CDYL2: variants seen among roughly 807,000 people sequenced by gnomAD.
CDYL2 encodes the protein chromodomain Y like 2, also known as chromodomain Y-like protein 2.
In CDYL2, 23 loss-of-function variants were observed where a neutral mutation model predicts 49.4. The ratio of observed to expected loss-of-function variants is 0.47; its 90% CI spans 0.34 to 0.66. CDYL2 has a LOEUF of 0.66. Among genes scored for constraint, CDYL2 ranks in the 30% least tolerant of loss-of-function variants. CDYL2 has a pLI of 0.01. For missense variants in CDYL2, 678 were observed against 656.4 expected, an observed-to-expected ratio of 1.03 and a Z score of -0.36; for synonymous variants, 360 against 268.8, an observed-to-expected ratio of 1.34 and a Z score of -3.32.
intron 1 of CDYL2, among the ~76,000 whole-genome samples, chr16:80,756,519 G>T (rs749992624): frequency 1.3e-5 from 2 of 152,006 alleles, no homozygotes; most frequent in Non-Finnish European, 2.9e-5. Flanking sequence ...GAACACAACT[G>T]ACAATAAAAA....
chr16:80,716,702 A>AATGGATAGATATAGTG, intron 1 of CDYL2, among the ~76,000 whole-genome samples: 1 of 151,634 alleles, frequency 6.6e-6, no homozygotes, highest in South Asian at 2.1e-4. Context: ...TAATTGAATG[A>AATGGATAGATATAGTG]ATGGATAGAT....
chr16:80,687,708 A>G (rs1448030067), intron 1 of CDYL2, among the ~76,000 whole-genome samples: 2 of 152,212 alleles, frequency 1.3e-5, no homozygotes, highest in Non-Finnish European at 2.9e-5. Flanking sequence ...CTTTGTAACA[A>G]AACGATCTGT....
chr16:80,713,082 A>G lies in CDYL2; in HGVS notation c.25-27953T>C, dbSNP rs565638126. 2.6e-5 allele frequency among the ~76,000 whole-genome samples: 4 copies of G among 152,248 alleles called. No homozygotes were observed. The South Asian group carries it at 8.3e-4, about 32-fold the overall frequency. ...GTCCTCAGCAGCCCTGCTTACTTAT[A>G]CAAGAATATCCCTTCAGAGACTGCG... On this transcript the variant is annotated intron_variant, in intron 1 of 6. Transcript: ENST00000570137.
chr16:80,759,873 T>C (rs1906467405), intron 1 of CDYL2, among the ~76,000 whole-genome samples: 1 of 145,046 alleles, frequency 6.9e-6, no homozygotes, highest in Non-Finnish European at 1.5e-5. Context: ...GGAAAGAGCT[T>C]GAACTGTATT....
chr16:80,613,521 T>C (rs959501918), intron 4 of CDYL2, among the ~76,000 whole-genome samples: 8 of 152,308 alleles, frequency 5.3e-5, no homozygotes, highest in African/African-American at 1.9e-4. Flanking sequence ...ATGCTGAATA[T>C]GTTAGGATGG....
chr16:80,662,001 A>T (rs768581099), intron 2 of CDYL2, among the ~76,000 whole-genome samples: 16 of 152,138 alleles, frequency 1.1e-4, no homozygotes, highest in Non-Finnish European at 1.8e-4. Flanking sequence ...CCCCACGCCA[A>T]ATTCTTAATA....
chr16:80,620,977 C>A (rs1907060246), intron 3 of CDYL2, 42 bp from the exon 4 acceptor site: 2 of 1,513,062 alleles, frequency 1.3e-6, no homozygotes, highest in African/African-American at 1.4e-5. Flanking sequence ...AAGTGTCTAT[C>A]CTGTAAGCCT....
Position 80,742,972 on chromosome 16 carries a change from G to A in CDYL2, c.25-57843C>T, listed in dbSNP as rs150657593. Among the ~76,000 whole-genome samples, 10 of 131,736 alleles carry A rather than the reference G, an allele frequency of 7.6e-5. No homozygotes were observed. In the East Asian group the frequency reaches 2.4e-3, roughly 32 times the overall value. 86.4% of individuals were successfully genotyped at this position (131,736 alleles called of 152,430 possible). On this transcript the variant is annotated intron_variant, in intron 1 of 6. Coordinates refer to ENST00000570137, the MANE Select transcript of CDYL2 (RefSeq NM_152342.4). ...TGGATGGGTAGATGAATGGGTGGAT[G>A]AATCGATAGGTGAGTACAAAGATGA...
intron 1 of CDYL2, among the ~76,000 whole-genome samples, chr16:80,725,731 C>A (rs1212181574): frequency 6.6e-6 from 1 of 152,204 alleles, no homozygotes; most frequent in African/African-American, 2.4e-5. Flanking sequence ...ATATTTTGCT[C>A]CTGAAAGCCA....
intron 1 of CDYL2, among the ~76,000 whole-genome samples, chr16:80,733,120 C>G (rs187116916): frequency 2.8e-4 from 42 of 152,292 alleles, no homozygotes; most frequent in Admixed American, 2.4e-3. Context: ...CAACCCTGAA[C>G]AGCTGATGTC....
At chr16:80,633,373 T>G in intron 2 of CDYL2, 137 bp from the exon 3 acceptor site, 1 of 807,148 alleles carries the variant, frequency 1.2e-6, no homozygotes, top group Admixed American at 2.7e-5. Context: ...TGTGCCACCC[T>G]CTGTTCTAGG....
At chr16:80,803,237 G>C (rs1907980720) in intron 1 of CDYL2, among the ~76,000 whole-genome samples, 1 of 152,212 alleles carries the variant, frequency 6.6e-6, no homozygotes, top group Admixed American at 6.5e-5. Flanking sequence ...TTGTTTGAAA[G>C]ATGCCAGACT....
chr16:80,782,247 A>G (rs544061298), intron 1 of CDYL2, among the ~76,000 whole-genome samples: 1 of 152,084 alleles, frequency 6.6e-6, no homozygotes, highest in East Asian at 1.9e-4. Flanking sequence ...CAAACTGTAT[A>G]ACCTACATGA....
At chr16:80,705,137 G>A (rs554261946) in intron 1 of CDYL2, among the ~76,000 whole-genome samples, 23 of 152,332 alleles carry the variant, frequency 1.5e-4, no homozygotes, top group Non-Finnish European at 2.4e-4. Flanking sequence ...GTCCAGATCC[G>A]AATGCCCACC....
intron 6 of CDYL2, 56 bp from the exon 7 acceptor site, chr16:80,604,602 C>G: frequency 6.3e-7 from 1 of 1,596,456 alleles, no homozygotes; most frequent in South Asian, 1.1e-5. Context: ...TGCTCCAGAA[C>G]TAGGTACCTG....
chr16:80,643,558 G>A (rs1908199370), intron 2 of CDYL2, among the ~76,000 whole-genome samples: 1 of 152,240 alleles, frequency 6.6e-6, no homozygotes, highest in South Asian at 2.1e-4. Flanking sequence ...TGCCCCTGCA[G>A]CAAACCTGCG....
intron 2 of CDYL2, among the ~76,000 whole-genome samples, chr16:80,684,092 G>A (rs374203191): frequency 6.6e-6 from 1 of 152,194 alleles, no homozygotes; most frequent in Non-Finnish European, 1.5e-5. Context: ...CCCCAACCCA[G>A]ACCCTACCTC....
chr16:80,615,878 C>T (rs1906805048), intron 4 of CDYL2, among the ~76,000 whole-genome samples: 1 of 152,176 alleles, frequency 6.6e-6, no homozygotes, highest in Non-Finnish European at 1.5e-5. Flanking sequence ...TTTCTCTCAC[C>T]TCGGGCAGTA....
At chr16:80,713,941 G>A (rs1005357394) in intron 1 of CDYL2, among the ~76,000 whole-genome samples, 2 of 152,130 alleles carry the variant, frequency 1.3e-5, no homozygotes, top group East Asian at 1.9e-4. Context: ...GCAGATGTCA[G>A]AATGAATGTG....
Sources: gnomAD v4.1 joint callset for allele counts (sites outside exome capture counted in the v4.1 genomes callset) on GRCh38, gnomAD v4.1.1 for gene constraint, MANE v1.5 for transcripts, NCBI Gene and HGNC (gene_info 2026-07-23, HGNC 2026-07-21) for gene names.